Variants in SREBF1 observed in about 807,000 individuals in gnomAD.
The protein encoded by SREBF1 is sterol regulatory element binding transcription factor 1.
Under a neutral mutation model 100.1 loss-of-function variants are expected in SREBF1, and 45 were observed. That is an observed-to-expected ratio of 0.45 (90% confidence interval 0.35 to 0.58). The LOEUF is 0.58. SREBF1 is among the 20% of genes least tolerant of loss of function. The probability of loss-of-function intolerance (pLI) is 0.00; values close to 1 mark genes in which losing one functional copy is unlikely to be tolerated. For synonymous variants in SREBF1, 657 were observed against 681.8 expected (o/e 0.96, Z 0.57); for missense variants, 1,324 against 1,539.4 (o/e 0.86, Z 2.34).
At position 17,818,364 on chromosome 17, in the gene SREBF1, G is replaced by A. The variant is rs1166399262; in HGVS notation, c.1079C>T (p.Ser360Phe). 6.2e-7 allele frequency: 1 copy of A among 1,613,368 alleles called. No homozygotes were observed. Among genetic ancestry groups the A allele is most frequent in the South Asian group, 1.1e-5 (1 of 91,046 alleles). The change falls in exon 6 of 19, where the codon TCT becomes TTT. Residue 360 changes from serine (S) to phenylalanine (F), a missense_variant. By Grantham distance (155) the Ser-to-Phe change is radical. Transcript: ENST00000261646. The stretch of plus-strand genomic sequence containing the variant: ...GTCGATGGCCTTGCGCAAGACAGCA[G>A]ATTTATTCAGCTGCACGGTGTGGGA... ...VVGTEAKLNK[S>F]AVLRKAIDYI... is the part of the protein sequence containing the mutation.
chr17:17,834,418 A>G (rs1407584274), intron 1 of SREBF1, among the ~76,000 whole-genome samples: 1 of 152,174 alleles, frequency 6.6e-6, no homozygotes, highest in East Asian at 1.9e-4. Flanking sequence ...CTTTTTGCTC[A>G]CTTGCATTTT....
rs527557883 is a variant in SREBF1, at chr17:17,820,419, T to A, written c.194A>T (p.Asp65Val). Residue 65 changes from aspartate to valine, a missense_variant, in exon 2 of 19, where the codon GAT becomes GTT. Physicochemically the swap from Asp to Val is radical, Grantham distance 152. Transcript: ENST00000261646. ...GAGGTDPASP[D>V]TSSPGSLSPP... ...AGACAAGCTGCCTGGGGAGCTGGTA[T>A]CGGGGCTGGCAGGGTCTGTGCCCCC... 1.2e-6 allele frequency: 2 copies of A among 1,613,224 alleles called. No individual in the cohort carries two copies. Among genetic ancestry groups the A allele is most frequent in the Admixed American group, 3.3e-5 (2 of 59,994 alleles).
In SREBF1 at chr17:17,815,340, G is replaced by A. The variant is rs1480987110; in HGVS notation, c.2384-11C>T. The A allele has an allele frequency of 3.7e-6, 6 of 1,610,026 alleles. No individual in the cohort carries two copies. Among genetic ancestry groups the A allele is most frequent in the East Asian group, 2.2e-5 (1 of 44,858 alleles). On this transcript the variant is annotated splice_polypyrimidine_tract_variant and intron_variant, in intron 12 of 18. Transcript: ENST00000261646. ...GGGCCAGGGGGTCCACTGTGGAGAG[G>A]AGGAGGTGAGTGGGGTGGGGAGCAG...
rs984541761 is a variant in SREBF1 at position 17,811,544 on chromosome 17, G to T, written c.*1078C>A. The T allele has an allele frequency of 2.9e-5, 9 of 312,770 alleles. No homozygotes were observed. Among genetic ancestry groups the T allele is most frequent in the East Asian group, 1.3e-4 (1 of 7,446 alleles). 19.4% of individuals were successfully genotyped at this position (312,770 alleles called of 1,614,324 possible). A position where few individuals can be genotyped will look rare whatever the true frequency, so the allele number is the denominator to read the frequency against. ...GGAATGAAGGGAGGGGCTGGGGGGG[G>T]GGGCATGAATGGAGTCAGGGAGTCG... On this transcript the variant is annotated 3_prime_UTR_variant, in exon 19 of 19. Coordinates refer to ENST00000261646, the MANE Select transcript of SREBF1 (RefSeq NM_004176.5).
In SREBF1 at chr17:17,836,781, G is replaced by C; in HGVS notation, c.37C>G (p.Gln13Glu). The C allele has an allele frequency of 6.4e-7, 1 of 1,563,216 alleles. No individual in the cohort carries two copies. The highest frequency in any genetic ancestry group is 8.6e-7 in the Non-Finnish European group (1 of 1,162,520). ...EPPFSEAALE[Q>E]ALGEPCDLDA... is the part of the protein sequence containing the mutation. ...AGATCGCACGGCTCGCCCAGCGCCTGCTCCAAAGCCGCCTCGCTGAAGGGT... is the reference window on the plus strand; with the variant it reads ...AGATCGCACGGCTCGCCCAGCGCCTCCTCCAAAGCCGCCTCGCTGAAGGGT... The change falls in exon 1 of 19, where the codon CAG (glutamine) becomes GAG (glutamate). Residue 13 changes from glutamine to glutamate, a missense_variant. Gln to Glu is a conservative substitution (Grantham distance 29, BLOSUM62 2). Transcript: ENST00000261646.
intron 1 of SREBF1, among the ~76,000 whole-genome samples, chr17:17,827,999 G>C (rs1030115968): frequency 6.6e-6 from 1 of 152,190 alleles, no homozygotes; most frequent in Non-Finnish European, 1.5e-5. Flanking sequence ...CCAAATTAGA[G>C]GCTGGGCCTC....
chr17:17,817,469 G>T lies in SREBF1; in HGVS notation c.1405-12C>A. The T allele has an allele frequency of 6.3e-7, 1 of 1,575,004 alleles. No homozygotes were observed. The highest frequency in any genetic ancestry group is 1.2e-5 in the South Asian group (1 of 86,496). On this transcript the variant is annotated splice_polypyrimidine_tract_variant and intron_variant, in intron 7 of 18. Transcript: ENST00000261646. This position sits in a 1 kb window ranked among gnomAD's most constrained non-coding sequence, Gnocchi z 6.6. ...TGCTCTGGCTTTGCCTGGTGGGGTT[G>T]GGCAGGGTGGTGAGGGCAGAATCGG...
At chr17:17,834,027 CAG>C (rs58189290) in intron 1 of SREBF1, among the ~76,000 whole-genome samples, 19 of 147,906 alleles carry the variant, frequency 1.3e-4, no homozygotes, top group Admixed American at 2.7e-4. Context: ...TATAAACACA[CAG>C]AGAGAGAGAG....
intron 15 of SREBF1, 40 bp from the exon 16 acceptor site, chr17:17,814,450 C>T: frequency 1.3e-6 from 2 of 1,547,994 alleles, no homozygotes; most frequent in Non-Finnish European, 1.7e-6. Context: ...TCAGACCAGT[C>T]CACAAGCCCT....
At chr17:17,820,566 C>G (rs1256218662) in intron 1 of SREBF1, 45 bp from the exon 2 acceptor site, 1 of 1,592,452 alleles carries the variant, frequency 6.3e-7, no homozygotes. Flanking sequence ...AGAGACTGAC[C>G]CCCAAACAGG....
Position 17,816,816 on chromosome 17 carries a change from G to T in SREBF1, c.1786-98C>A. ...ACAGCAGGCTCTGGAGGGGTGGTGG[G>T]GGTCTGCGGATGCGTGGCTAGGCAC... On this transcript the variant is annotated intron_variant, in intron 9 of 18. Transcript: ENST00000261646. 3.2e-6 allele frequency: 5 copies of T among 1,576,896 alleles called. No homozygotes were observed. The South Asian group carries it at 3.4e-5, about 11-fold the overall frequency.
intron 12 of SREBF1, 187 bp downstream of exon 12, chr17:17,815,673 T>C: frequency 1.5e-6 from 1 of 650,050 alleles, no homozygotes; most frequent in Non-Finnish European, 2.7e-6. Flanking sequence ...CTGCATGTGC[T>C]TCTGAAAGCC....
intron 1 of SREBF1, among the ~76,000 whole-genome samples, chr17:17,827,981 C>T (rs911970663): frequency 1.3e-5 from 2 of 152,210 alleles, no homozygotes; most frequent in African/African-American, 4.8e-5. Context: ...ACCTATCCAC[C>T]TGCCCTGCCA....
Position 17,829,039 on chromosome 17 carries a change from A to G in SREBF1, c.91+7688T>C, listed in dbSNP as rs545111273. On this transcript the variant is annotated intron_variant, in intron 1 of 18. Transcript: ENST00000261646. ...GAAATCCAGCCTCTACTAAAAATAC[A>G]AAAATTAGCTGGGCGTGGTGGTATG... Among the ~76,000 whole-genome samples the G allele has an allele frequency of 7.9e-5, 12 of 151,612 alleles. 1 individual carries two copies. In the South Asian group the frequency reaches 2.5e-3, roughly 32 times the overall value.
At chr17:17,827,556 C>T (rs946030899) in intron 1 of SREBF1, among the ~76,000 whole-genome samples, 2 of 152,190 alleles carry the variant, frequency 1.3e-5, no homozygotes, top group Admixed American at 6.5e-5. Flanking sequence ...CCAGCAGTGG[C>T]ACAGGCTGCC....
At chr17:17,815,045 A>G (rs1447487469) in intron 13 of SREBF1, 101 bp from the exon 14 acceptor site, 1 of 1,282,028 alleles carries the variant, frequency 7.8e-7, no homozygotes, top group Non-Finnish European at 1.1e-6. Flanking sequence ...TGGCTCTGCA[A>G]AGTGCCACTG....
intron 1 of SREBF1, among the ~76,000 whole-genome samples, chr17:17,827,590 G>A (rs79658520): frequency 9.2e-5 from 14 of 152,244 alleles, no homozygotes; most frequent in South Asian, 4.1e-4. Flanking sequence ...TGGCTGCCCC[G>A]GGGGCACAAG....
At chr17:17,835,108 G>A (rs1427974964) in intron 1 of SREBF1, among the ~76,000 whole-genome samples, 2 of 152,192 alleles carry the variant, frequency 1.3e-5, no homozygotes, top group African/African-American at 4.8e-5. Flanking sequence ...AGGTTTAGAG[G>A]GTGAGAGGGC....
At position 17,811,526 on chromosome 17, in the gene SREBF1, AG is replaced by A. The variant is rs953226825; in HGVS notation, c.*1095del. The A allele has an allele frequency of 4.7e-6, 1 of 215,008 alleles. No individual in the cohort carries two copies. Among genetic ancestry groups the A allele is most frequent in the African/African-American group, 5.7e-5 (1 of 17,454 alleles). 13.3% of individuals were successfully genotyped at this position (215,008 alleles called of 1,614,324 possible). A position where few individuals can be genotyped will look rare whatever the true frequency, so the allele number is the denominator to read the frequency against. On this transcript the variant is annotated 3_prime_UTR_variant, in exon 19 of 19. Transcript: ENST00000261646. ...GCTTTAGGTTGGGGAATGGGAATGA[AG>A]GGAGGGGCTGGGGGGGGGGGCATGA...
Sources: allele counts gnomAD v4.1 joint callset (sites outside exome capture counted in the v4.1 genomes callset), GRCh38; gene constraint gnomAD v4.1.1; non-coding constraint Gnocchi (gnomAD v3.1); transcripts MANE v1.5; gene names NCBI Gene and HGNC (gene_info 2026-07-23, HGNC 2026-07-21).